PRMT7: variants seen among roughly 807,000 people sequenced by gnomAD.
PRMT7 encodes the protein protein arginine methyltransferase 7.
A neutral mutation model predicts 85.4 loss-of-function variants in PRMT7; 75 were observed. The ratio of observed to expected loss-of-function variants is 0.88; its 90% CI spans 0.73 to 1.06. PRMT7 has a LOEUF of 1.06. Ranked by LOEUF, PRMT7 falls within the 50% of genes least tolerant of loss-of-function variation. PRMT7 has a pLI of 0.00. For missense variants in PRMT7, 868 were observed against 915.2 expected (o/e 0.95, Z 0.67); for synonymous variants, 397 against 359.5 (o/e 1.10, Z -1.18).
chr16:68,313,889 C>T (rs552398453), intron 2 of PRMT7, among the ~76,000 whole-genome samples: 1 of 152,110 alleles, frequency 6.6e-6, no homozygotes, highest in Non-Finnish European at 1.5e-5. Flanking sequence ...GTGTAATGAT[C>T]ATGCCTGTGA....
chr16:68,314,415 G>T (rs1400587041), intron 2 of PRMT7, among the ~76,000 whole-genome samples: 1 of 152,154 alleles, frequency 6.6e-6, no homozygotes, highest in Non-Finnish European at 1.5e-5. Context: ...ATTTTTAGTA[G>T]AGACGAGGGT....
chr16:68,325,236 C>T (rs1375560459), intron 5 of PRMT7, among the ~76,000 whole-genome samples: 1 of 152,160 alleles, frequency 6.6e-6, no homozygotes, highest in African/African-American at 2.4e-5. Flanking sequence ...TGGCATGTGC[C>T]TGTGTTCCAG....
chr16:68,350,626 T>A (rs531651960), intron 14 of PRMT7, among the ~76,000 whole-genome samples: 1 of 152,370 alleles, frequency 6.6e-6, no homozygotes, highest in South Asian at 2.1e-4. Flanking sequence ...TCACATACCT[T>A]ACGATTCACT....
chr16:68,347,926 T>G (rs752945834), intron 13 of PRMT7, among the ~76,000 whole-genome samples: 15 of 152,222 alleles, frequency 9.9e-5, no homozygotes, highest in Admixed American at 2.6e-4. Flanking sequence ...TCACTTCACA[T>G]AAGCTACTGT....
In PRMT7 at chr16:68,342,819, G is replaced by A. The variant is rs190722494; in HGVS notation, c.927+2851G>A. Among the ~76,000 whole-genome samples, 983 of 152,330 alleles carry A rather than the reference G, an allele frequency of 6.5e-3. 20 individuals carry two copies. The highest frequency in any genetic ancestry group is 6.3e-3 in the Non-Finnish European group (426 of 68,026). On this transcript the variant is annotated intron_variant, in intron 9 of 18. Coordinates refer to ENST00000441236, the MANE Select transcript of PRMT7 (RefSeq NM_019023.5). The stretch of plus-strand genomic sequence containing the variant: ...GCCAGCATCCCTCTGCAGGCTGTGT[G>A]TGTGTCACTCTGAATTCACCCACAG...
At chr16:68,355,991 G>A (rs145192919) in intron 17 of PRMT7, 108 bp downstream of exon 17, 9 of 1,209,026 alleles carry the variant, frequency 7.4e-6, no homozygotes, top group Non-Finnish European at 9.9e-6. Flanking sequence ...ACGTGGAGGG[G>A]GTATTCGTCC....
At chr16:68,335,951 A>G (rs1335859710) in intron 6 of PRMT7, among the ~76,000 whole-genome samples, 1 of 151,848 alleles carries the variant, frequency 6.6e-6, no homozygotes, top group Non-Finnish European at 1.5e-5. Flanking sequence ...TAATTTTTGT[A>G]TTCTTAGTAG....
intron 4 of PRMT7, 44 bp from the exon 5 acceptor site, chr16:68,324,639 T>G (rs370149588): frequency 4.8e-5 from 77 of 1,607,370 alleles, no homozygotes; most frequent in Non-Finnish European, 6.3e-5. Context: ...CCTTTCCACT[T>G]ACTTATAATA....
intron 2 of PRMT7, among the ~76,000 whole-genome samples, chr16:68,312,483 G>C (rs2044019811): frequency 6.6e-6 from 1 of 152,014 alleles, no homozygotes; most frequent in Non-Finnish European, 1.5e-5. Context: ...ATATCCTTGC[G>C]TCTCGGCCCC....
chr16:68,355,488 C>G, intron 16 of PRMT7: 6 of 417,082 alleles, frequency 1.4e-5, no homozygotes, highest in Non-Finnish European at 2.5e-5. Context: ...ACAGGCAGCA[C>G]CACCCCATCT....
At chr16:68,345,558 C>T (rs2051197285) in intron 9 of PRMT7, 117 bp from the exon 10 acceptor site, 3 of 1,432,010 alleles carry the variant, frequency 2.1e-6, no homozygotes, top group Admixed American at 3.5e-5. Context: ...CAATAGCCAG[C>T]TGTAGTCTAC....
In PRMT7 at chr16:68,321,417, G is replaced by T; in HGVS notation, c.96-9G>T. The stretch of plus-strand genomic sequence containing the variant: ...TCATGCAAAGGTTACTGACTTTTTT[G>T]TTTTTTAGGTCATCTTATGCAGATA... On this transcript the variant is annotated splice_polypyrimidine_tract_variant and intron_variant, in intron 3 of 18. Coordinates refer to ENST00000441236, the MANE Select transcript of PRMT7 (RefSeq NM_019023.5). 1 of 1,603,392 alleles carries T rather than the reference G, an allele frequency of 6.2e-7. No homozygotes were observed. The highest frequency in any genetic ancestry group is 8.5e-7 in the Non-Finnish European group (1 of 1,172,136).
chr16:68,344,449 C>T (rs149455024), intron 9 of PRMT7, among the ~76,000 whole-genome samples: 13 of 152,312 alleles, frequency 8.5e-5, no homozygotes, highest in African/African-American at 2.2e-4. Context: ...ATCTCTGTTC[C>T]GGGCCCCGTG....
intron 10 of PRMT7, 110 bp from the exon 11 acceptor site, chr16:68,346,035 G>A (rs999430419): frequency 9.8e-5 from 148 of 1,503,560 alleles, no homozygotes; most frequent in Middle Eastern, 2.1e-4. Context: ...TGGAATTAGC[G>A]GGTGCTCTAA....
intron 14 of PRMT7, among the ~76,000 whole-genome samples, chr16:68,349,174 T>C (rs993309729): frequency 2.6e-5 from 4 of 152,178 alleles, no homozygotes; most frequent in Non-Finnish European, 4.4e-5. Context: ...CCGCTTGTCC[T>C]TGTGACCCGG....
At chr16:68,318,544 T>G (rs2082139170) in intron 3 of PRMT7, among the ~76,000 whole-genome samples, 1 of 151,882 alleles carries the variant, frequency 6.6e-6, no homozygotes, top group Non-Finnish European at 1.5e-5. Flanking sequence ...TTTTCTTGTT[T>G]TATTGTTCAG....
chr16:68,319,853 A>G (rs1215985163), intron 3 of PRMT7, among the ~76,000 whole-genome samples: 1 of 152,160 alleles, frequency 6.6e-6, no homozygotes, highest in Admixed American at 6.5e-5. Context: ...ATTCCCAGAA[A>G]GCGTGGCAGG....
chr16:68,326,461 G>A (rs2083129084), intron 5 of PRMT7, among the ~76,000 whole-genome samples: 1 of 152,164 alleles, frequency 6.6e-6, no homozygotes, highest in Non-Finnish European at 1.5e-5. Context: ...GGCCAGGCTG[G>A]TCTTGAATTC....
downstream of PRMT7, chr16:68,359,292 C>T (rs1567765667): frequency 6.6e-6 from 1 of 152,578 alleles, no homozygotes; most frequent in Non-Finnish European, 1.5e-5. Flanking sequence ...TCATGAATCC[C>T]AGTCAAGGCT....
Sources: allele counts gnomAD v4.1 joint callset (sites outside exome capture counted in the v4.1 genomes callset), GRCh38; gene constraint gnomAD v4.1.1; transcripts MANE v1.5; gene names NCBI Gene and HGNC (gene_info 2026-07-23, HGNC 2026-07-21).